Variants in NAA15 observed in about 807,000 individuals in gnomAD.
NAA15 encodes the protein N-terminal acetyltransferase.
In NAA15, 34 loss-of-function variants were observed where a neutral mutation model predicts 114.0. The observed-to-expected ratio is 0.30, with a 90% CI of 0.23 to 0.40. NAA15 has a LOEUF of 0.40. Ranked by LOEUF, NAA15 falls within the 10% of genes least tolerant of loss-of-function variation. The pLI is 1.00. For synonymous variants in NAA15, 340 were observed against 338.0 expected (o/e 1.01, Z -0.06); for missense variants, 658 against 1,004.5 (o/e 0.66, Z 4.66).
At position 139,388,082 on chromosome 4, in the gene NAA15, T is replaced by C; in HGVS notation, c.2599T>C (p.Ter867ArgextTer9). The change falls in exon 20 of 20, where the codon TGA (stop) becomes CGA (arginine). Residue 867 changes from the stop codon to arginine (R), a stop_lost. Transcript: ENST00000296543. ...AGCTGAAGAACTGGCCAATGAAATT[T>C]GAACATCACTAAACAAGCAAATGGA... is the stretch of plus-strand genomic sequence containing the variant. ...AEAEELANEI[*>R] The C allele has an allele frequency of 6.2e-7, 1 of 1,613,334 alleles. No homozygotes were observed. The highest frequency in any genetic ancestry group is 8.5e-7 in the Non-Finnish European group (1 of 1,179,490).
In NAA15 at chr4:139,388,025, A is replaced by G; in HGVS notation, c.2542A>G (p.Lys848Glu). 1.2e-6 allele frequency: 2 copies of G among 1,614,002 alleles called. No homozygotes were observed. Among genetic ancestry groups the G allele is most frequent in the Non-Finnish European group, 1.7e-6 (2 of 1,179,926 alleles). ...FMPPGYEEDM[K>E]ITVNGDSSAE... ...GCCTCCTGGATATGAAGAGGATATGAAGATCACAGTTAATGGAGATAGTTC... is the reference window on the plus strand; with the variant it reads ...GCCTCCTGGATATGAAGAGGATATGGAGATCACAGTTAATGGAGATAGTTC... The change falls in exon 20 of 20, where the codon AAG (lysine) becomes GAG (glutamate). Residue 848 changes from lysine (K) to glutamate (E), a missense_variant. By Grantham distance (56) the Lys-to-Glu change is moderately conservative. This residue lies in a region of NAA15 where 275 missense variants were observed against 371.1 expected (regional missense o/e 0.74). Coordinates refer to ENST00000296543, the MANE Select transcript of NAA15 (RefSeq NM_057175.5).
intron 1 of NAA15, among the ~76,000 whole-genome samples, chr4:139,329,404 T>C (rs899277733): frequency 1.3e-5 from 2 of 152,210 alleles, no homozygotes; most frequent in Admixed American, 6.5e-5. Flanking sequence ...TTATACATTA[T>C]AGGTTTTATA....
intron 12 of NAA15, among the ~76,000 whole-genome samples, chr4:139,360,213 C>T (rs926220096): frequency 6.6e-6 from 1 of 151,974 alleles, no homozygotes; most frequent in Non-Finnish European, 1.5e-5. Context: ...TTAATCCCTA[C>T]CCTCAATTAT....
At chr4:139,371,122 T>C (rs893690613) in intron 15 of NAA15, among the ~76,000 whole-genome samples, 2 of 152,314 alleles carry the variant, frequency 1.3e-5, no homozygotes, top group Non-Finnish European at 1.5e-5. Flanking sequence ...TAAAGCAATA[T>C]AGGAAGCAGT....
At chr4:139,362,275 A>G (rs1748155739) in intron 14 of NAA15, among the ~76,000 whole-genome samples, 1 of 152,160 alleles carries the variant, frequency 6.6e-6, no homozygotes, top group South Asian at 2.1e-4. Context: ...AGTGTTGGCT[A>G]TTAGTATTAC....
chr4:139,335,141 G>A (rs369663024), intron 2 of NAA15, among the ~76,000 whole-genome samples: 7 of 152,026 alleles, frequency 4.6e-5, no homozygotes, highest in East Asian at 3.9e-4. Context: ...GCAACATAGC[G>A]GGACCTTGTC....
At chr4:139,364,297 G>A (rs1352219123) in intron 14 of NAA15, among the ~76,000 whole-genome samples, 1 of 151,408 alleles carries the variant, frequency 6.6e-6, no homozygotes, top group South Asian at 2.1e-4. Context: ...GTCTTTTTTT[G>A]TGGCTTCTAG....
intron 11 of NAA15, among the ~76,000 whole-genome samples, chr4:139,359,329 T>C (rs1748063112): frequency 6.6e-6 from 1 of 151,958 alleles, no homozygotes; most frequent in Non-Finnish European, 1.5e-5. Flanking sequence ...GGTTTCACCA[T>C]GTTGGCCAAG....
At chr4:139,319,658 C>G (rs1746533989) in intron 1 of NAA15, among the ~76,000 whole-genome samples, 1 of 152,010 alleles carries the variant, frequency 6.6e-6, no homozygotes, top group South Asian at 2.1e-4. Context: ...GTCTTGAACT[C>G]CTGGGCTCAG....
At chr4:139,345,143 A>G (rs770936771) in intron 6 of NAA15, among the ~76,000 whole-genome samples, 49 of 152,222 alleles carry the variant, frequency 3.2e-4, no homozygotes, top group Non-Finnish European at 6.0e-4. Context: ...CATGTGCATA[A>G]TAGGTATAGC....
chr4:139,372,567 A>G (rs889207885), intron 15 of NAA15, among the ~76,000 whole-genome samples: 8 of 152,288 alleles, frequency 5.3e-5, no homozygotes, highest in African/African-American at 1.9e-4. Flanking sequence ...ACTTCCTCCA[A>G]GATGCCCCTG....
intron 6 of NAA15, 25 bp downstream of exon 6, chr4:139,344,364 A>T: frequency 6.3e-7 from 1 of 1,575,722 alleles, no homozygotes. Flanking sequence ...ATTGTCATTT[A>T]TTCTAATATT....
At chr4:139,333,241 T>C (rs1414345511) in intron 1 of NAA15, among the ~76,000 whole-genome samples, 1 of 152,204 alleles carries the variant, frequency 6.6e-6, no homozygotes, top group Non-Finnish European at 1.5e-5. Context: ...CTGTACTTGA[T>C]TGATGACTCA....
intron 1 of NAA15, among the ~76,000 whole-genome samples, chr4:139,305,017 T>C (rs1457347008): frequency 6.6e-6 from 1 of 152,170 alleles, no homozygotes; most frequent in Non-Finnish European, 1.5e-5. Flanking sequence ...ACTACTGGAC[T>C]CAAGCAGTCC....
At chr4:139,345,810 A>G (rs893963677) in intron 6 of NAA15, among the ~76,000 whole-genome samples, 1 of 152,008 alleles carries the variant, frequency 6.6e-6, no homozygotes, top group Non-Finnish European at 1.5e-5. Context: ...AGTCCCAGCT[A>G]CTCGGGAGGC....
rs758844401 is a variant in NAA15, at chr4:139,384,838, G to A, written c.2162G>A (p.Cys721Tyr). The change falls in exon 18 of 20, where the codon TGT becomes TAT. Residue 721 changes from cysteine (C) to tyrosine (Y), a missense_variant. Around this residue, in one of 6 missense-constraint regions of NAA15, gnomAD observed 275 missense variants for 371.1 expected, o/e 0.74. Transcript: ENST00000296543. ...CMIRLFNTAV[C>Y]ESKDLSDTVR... ...TTATTTTTAATTTATTCAGCAGTGT[G>A]TGAAAGTAAAGATTTATCTGATACA... 1.5e-5 allele frequency: 22 copies of A among 1,442,144 alleles called. No individual in the cohort carries two copies. In the South Asian group the frequency reaches 3.0e-4, roughly 20 times the overall value. The allele number at this position is 1,442,144 out of a possible 1,614,324, so 89.3% of individuals were successfully genotyped here. A position where few individuals can be genotyped will look rare whatever the true frequency, so the allele number is the denominator to read the frequency against.
In NAA15 at chr4:139,359,173, G is replaced by A. The variant is rs574230621; in HGVS notation, c.1258-570G>A. 9.5e-4 allele frequency among the ~76,000 whole-genome samples: 144 copies of A among 152,104 alleles called. 3 individuals carry two copies. In the Middle Eastern group the frequency reaches 0.01, roughly 11 times the overall value. ...TGACATGGAGTCTTACTGTCACCCA[G>A]GCTAGAGTGCAGTGGCATGATCTCA... On this transcript the variant is annotated intron_variant, in intron 11 of 19. Coordinates refer to ENST00000296543, the MANE Select transcript of NAA15 (RefSeq NM_057175.5).
chr4:139,346,628 G>A (rs1241219541), intron 6 of NAA15, among the ~76,000 whole-genome samples: 2 of 151,594 alleles, frequency 1.3e-5, no homozygotes, highest in African/African-American at 4.9e-5. Context: ...TTGGCTCGCC[G>A]CAACCTCCAC....
chr4:139,358,191 GT>G (rs200019923), intron 11 of NAA15, among the ~76,000 whole-genome samples: 135 of 143,516 alleles, frequency 9.4e-4, no homozygotes, highest in African/African-American at 1.8e-3. Flanking sequence ...TTTTGTTTTT[GT>G]TTTTTTTTTT....
Sources: gnomAD v4.1 joint callset for allele counts (sites outside exome capture counted in the v4.1 genomes callset) on GRCh38, gnomAD v4.1.1 for gene constraint, gnomAD v4.1.1 regional missense constraint, MANE v1.5 for transcripts, NCBI Gene and HGNC (gene_info 2026-07-23, HGNC 2026-07-21) for gene names.